WDFY3: variants seen among roughly 807,000 people sequenced by gnomAD.
WDFY3 encodes WD repeat and FYVE domain-containing protein 3.
A neutral mutation model predicts 409.6 loss-of-function variants in WDFY3; 66 were observed. That is an observed-to-expected ratio of 0.16 (90% confidence interval 0.13 to 0.20). The LOEUF is 0.20. WDFY3 is among the 10% of genes least tolerant of loss of function. The pLI is 1.00. For missense variants in WDFY3, 3,031 were observed against 4,298.1 expected (o/e 0.71, Z 8.24); for synonymous variants, 1,521 against 1,537.1 (o/e 0.99, Z 0.25).
chr4:84,728,664 G>A (rs1315434349), intron 44 of WDFY3, among the ~76,000 whole-genome samples: 1 of 151,858 alleles, frequency 6.6e-6, no homozygotes, highest in African/African-American at 2.4e-5. Flanking sequence ...ATGTAGGCAG[G>A]GTCTACTAAG....
At position 84,705,485 on chromosome 4, in the gene WDFY3, C is replaced by A. The variant is rs761112777; in HGVS notation, c.8244G>T (p.Thr2748=). 1 of 1,613,934 alleles carries A rather than the reference C, an allele frequency of 6.2e-7. No individual in the cohort carries two copies. Among genetic ancestry groups the A allele is most frequent in the Non-Finnish European group, 8.5e-7 (1 of 1,179,902 alleles). The part of the protein sequence containing the change: ...SEEVDLTNPK[T]FRNLAKPMGA... ...CCATTGGCTTAGCCAGGTTTCTAAACGTCTTGGGATTAGTAAGATCCACCT... is the reference window on the plus strand; with the variant it reads ...CCATTGGCTTAGCCAGGTTTCTAAAAGTCTTGGGATTAGTAAGATCCACCT... The change falls in exon 54 of 68, where the codon ACG becomes ACT. Residue 2748 remains threonine (T), a synonymous_variant. Transcript: ENST00000295888.
chr4:84,903,595 C>T (rs939960324), intron 2 of WDFY3, among the ~76,000 whole-genome samples: 1 of 152,136 alleles, frequency 6.6e-6, no homozygotes, highest in Non-Finnish European at 1.5e-5. Context: ...GCTGGGGTTA[C>T]AGGTGTGAGC....
At chr4:84,704,257 G>A in intron 55 of WDFY3, 81 bp downstream of exon 55, 1 of 1,017,612 alleles carries the variant, frequency 9.8e-7, no homozygotes, top group South Asian at 2.0e-5. Context: ...TATAATAGAA[G>A]ATAATGATGT....
intron 13 of WDFY3, among the ~76,000 whole-genome samples, chr4:84,817,016 A>G (rs1056276451): frequency 6.6e-6 from 1 of 152,178 alleles, no homozygotes; most frequent in Admixed American, 6.6e-5. Context: ...ACATACATAC[A>G]TATATGCATG....
intron 40 of WDFY3, 100 bp downstream of exon 40, chr4:84,738,910 A>G (rs1578311758): frequency 1.7e-6 from 2 of 1,209,482 alleles, no homozygotes; most frequent in Non-Finnish European, 2.4e-6. Context: ...GAGAGTTGCT[A>G]TCAATGCTGG....
intron 10 of WDFY3, among the ~76,000 whole-genome samples, chr4:84,822,287 C>G (rs766601334): frequency 2.6e-5 from 4 of 152,016 alleles, no homozygotes; most frequent in Non-Finnish European, 5.9e-5. Context: ...AGAACAATAC[C>G]TATTAGGAGT....
In WDFY3 at chr4:84,821,167, A is replaced by G; in HGVS notation, c.1508T>C (p.Val503Ala). The G allele has an allele frequency of 1.2e-6, 2 of 1,613,716 alleles. No individual in the cohort carries two copies. Among genetic ancestry groups the G allele is most frequent in the South Asian group, 1.1e-5 (1 of 91,076 alleles). ...GTTTACCATGACCTCCAAAAGGCCA[A>G]CCTCCCTGAACACGTCTTTAAATAT... The part of the protein sequence containing the change: ...DYIFKDVFRE[V>A]GLLEVMVNLL... The change falls in exon 11 of 68, where the codon GTT (valine) becomes GCT (alanine). Residue 503 changes from valine (V) to alanine (A), a missense_variant. Around this residue, in one of 16 missense-constraint regions of WDFY3, gnomAD observed 1,322 missense variants for 1,697.9 expected, o/e 0.78. Transcript: ENST00000295888.
intron 13 of WDFY3, among the ~76,000 whole-genome samples, chr4:84,814,363 G>A (rs1367933735): frequency 6.6e-6 from 1 of 152,264 alleles, no homozygotes; most frequent in Non-Finnish European, 1.5e-5. Flanking sequence ...AAAATGTACT[G>A]TTCTTTGCGG....
chr4:84,942,633 G>A (rs1240998716), intron 1 of WDFY3, among the ~76,000 whole-genome samples: 1 of 152,172 alleles, frequency 6.6e-6, no homozygotes, highest in Non-Finnish European at 1.5e-5. Flanking sequence ...GAATGAATGA[G>A]AAGAAACTTC....
At chr4:84,771,273 G>T (rs1278373502) in intron 30 of WDFY3, among the ~76,000 whole-genome samples, 1 of 152,092 alleles carries the variant, frequency 6.6e-6, no homozygotes, top group African/African-American at 2.4e-5. Context: ...GAGTAGCTGG[G>T]TCTATAGGTG....
chr4:84,698,290 ATT>A (rs775367132), intron 56 of WDFY3, among the ~76,000 whole-genome samples: 4 of 145,740 alleles, frequency 2.7e-5, no homozygotes, highest in Admixed American at 2.7e-4. Flanking sequence ...ATATATATAT[ATT>A]TTTTTTTTTT....
intron 51 of WDFY3, among the ~76,000 whole-genome samples, chr4:84,710,384 A>G (rs1262907911): frequency 6.6e-6 from 1 of 152,214 alleles, no homozygotes; most frequent in Non-Finnish European, 1.5e-5. Flanking sequence ...TTTTGGGGAC[A>G]GCAGACTTCC....
intron 63 of WDFY3, among the ~76,000 whole-genome samples, chr4:84,683,590 GCTCA>G (rs1217074008): frequency 9.2e-5 from 14 of 152,096 alleles, no homozygotes; most frequent in Admixed American, 7.2e-4. Flanking sequence ...ACTTATCCCT[GCTCA>G]CTATGTTTTC....
At chr4:84,798,184 G>T in intron 17 of WDFY3, 76 bp from the exon 18 acceptor site, 1 of 1,254,832 alleles carries the variant, frequency 8.0e-7, no homozygotes, top group South Asian at 1.4e-5. Context: ...TTCAGAAAAA[G>T]AATTTAATAA....
At chr4:84,836,902 G>A (rs371946236) in intron 7 of WDFY3, 27 bp downstream of exon 7, 1 of 1,461,214 alleles carries the variant, frequency 6.8e-7, no homozygotes, top group Non-Finnish European at 9.1e-7. Context: ...AAATAGGGTG[G>A]AGGTAGGCAA....
chr4:84,766,524 C>G (rs1560704883), intron 30 of WDFY3, 152 bp from the exon 31 acceptor site: 4 of 713,778 alleles, frequency 5.6e-6, no homozygotes, highest in Non-Finnish European at 8.6e-6. Context: ...GAAAAAGGGT[C>G]AGTTAAATAT....
chr4:84,835,787 C>T (rs893954686), intron 7 of WDFY3, among the ~76,000 whole-genome samples: 8 of 152,246 alleles, frequency 5.3e-5, no homozygotes, highest in African/African-American at 1.4e-4. Context: ...TCTCTCTATT[C>T]GCTTCCTACT....
chr4:84,946,754 G>C (rs560057325), intron 1 of WDFY3, among the ~76,000 whole-genome samples: 121 of 152,170 alleles, frequency 8.0e-4, no homozygotes, highest in African/African-American at 2.8e-3. Flanking sequence ...TGCATACCCT[G>C]GCTCTAGTAC....
chr4:84,726,931 T>C lies in WDFY3; in HGVS notation c.7222-20A>G. Reference sequence around the variant, plus strand: ...CTCAGACTGAAAACAGGGTATTAAGTATAGACATATCAGAAAAAAAAACAT... The same window carrying C: ...CTCAGACTGAAAACAGGGTATTAAGCATAGACATATCAGAAAAAAAAACAT... On this transcript the variant is annotated intron_variant, in intron 44 of 67. Coordinates refer to ENST00000295888, the MANE Select transcript of WDFY3 (RefSeq NM_014991.6). 6.3e-7 allele frequency: 1 copy of C among 1,578,090 alleles called. No individual in the cohort carries two copies. The highest frequency in any genetic ancestry group is 8.6e-7 in the Non-Finnish European group (1 of 1,167,652).
Sources: gnomAD v4.1 joint callset for allele counts (sites outside exome capture counted in the v4.1 genomes callset) on GRCh38, gnomAD v4.1.1 for gene constraint, gnomAD v4.1.1 regional missense constraint, MANE v1.5 for transcripts, NCBI Gene and HGNC (gene_info 2026-07-23, HGNC 2026-07-21) for gene names.